LAMA4: variants seen among roughly 807,000 people sequenced by gnomAD.
The protein encoded by LAMA4 is laminin subunit alpha 4.
LAMA4 carries 127 observed loss-of-function variants against 207.1 expected under a neutral mutation model. That is an observed-to-expected ratio of 0.61 (90% CI 0.53 to 0.71). LAMA4 has a LOEUF of 0.71. Ranked by LOEUF, LAMA4 falls within the 30% of genes least tolerant of loss-of-function variation. The probability of loss-of-function intolerance (pLI) is 0.00; values close to 1 mark genes in which losing one functional copy is unlikely to be tolerated. For synonymous variants in LAMA4, 761 were observed against 816.0 expected, an observed-to-expected ratio of 0.93 and a Z score of 1.15; for missense variants, 2,093 against 2,246.5, an observed-to-expected ratio of 0.93 and a Z score of 1.38.
At position 112,189,212 on chromosome 6, in the gene LAMA4, G is replaced by T; in HGVS notation, c.719-7C>A. ...CCTCCCCCGCAGTTGCACACTGTGG[G>T]AAACAAAAACAAGAGACGAGAAATG... On this transcript the variant is annotated splice_polypyrimidine_tract_variant and splice_region_variant and intron_variant, in intron 6 of 38. Coordinates refer to ENST00000230538, the MANE Select transcript of LAMA4 (RefSeq NM_001105206.3). 3 of 1,608,406 alleles carry T rather than the reference G, an allele frequency of 1.9e-6. No homozygotes were observed. Among genetic ancestry groups the T allele is most frequent in the Non-Finnish European group, 1.7e-6 (2 of 1,174,920 alleles).
At chr6:112,123,254 A>G (rs1244839100) in intron 31 of LAMA4, among the ~76,000 whole-genome samples, 1 of 152,202 alleles carries the variant, frequency 6.6e-6, no homozygotes, top group Non-Finnish European at 1.5e-5. Flanking sequence ...AGGCAGGATT[A>G]GATACAAAAA....
Position 112,128,956 on chromosome 6 carries a change from T to C in LAMA4, c.4253A>G (p.Asn1418Ser), listed in dbSNP as rs1778861270. Residue 1418 changes from asparagine (N) to serine (S), a missense_variant, in exon 31 of 39, where the codon AAT becomes AGT. This residue lies in a region of LAMA4 where 1,704 missense variants were observed against 1,788.4 expected (regional missense o/e 0.95). Coordinates refer to ENST00000230538, the MANE Select transcript of LAMA4 (RefSeq NM_001105206.3). Reference sequence around the variant, plus strand: ...CTGACTTGCTTTAGGCTTGGATAAATTTTTTCCTTTTTTATGGAGGAGAAA... The same window carrying C: ...CTGACTTGCTTTAGGCTTGGATAAACTTTTTCCTTTTTTATGGAGGAGAAA... ...PLFLLHKKGKNLSKPKASQNK... is the reference protein window; with the variant it reads ...PLFLLHKKGKSLSKPKASQNK... 6.2e-7 allele frequency: 1 copy of C among 1,613,330 alleles called. No homozygotes were observed. Among genetic ancestry groups the C allele is most frequent in the South Asian group, 1.1e-5 (1 of 91,050 alleles).
intron 18 of LAMA4, among the ~76,000 whole-genome samples, chr6:112,146,037 C>A (rs1219938262): frequency 6.6e-6 from 1 of 152,114 alleles, no homozygotes; most frequent in Non-Finnish European, 1.5e-5. Context: ...CACCTGTAAT[C>A]CCAGAACTTT....
chr6:112,247,262 G>C (rs1787021056), intron 2 of LAMA4, among the ~76,000 whole-genome samples: 1 of 152,172 alleles, frequency 6.6e-6, no homozygotes, highest in Non-Finnish European at 1.5e-5. Flanking sequence ...GTATCTAAAA[G>C]ATGGTCCAAT....
intron 32 of LAMA4, 47 bp downstream of exon 32, chr6:112,121,967 G>T: frequency 6.6e-7 from 1 of 1,526,294 alleles, no homozygotes; most frequent in Non-Finnish European, 9.1e-7. Context: ...CAAAGATGGA[G>T]CCCAGCCATG....
chr6:112,128,270 A>G (rs1401420759), intron 31 of LAMA4, among the ~76,000 whole-genome samples: 1 of 152,212 alleles, frequency 6.6e-6, no homozygotes, highest in Non-Finnish European at 1.5e-5. Context: ...TCATTGGAAC[A>G]AGAACTGATG....
chr6:112,226,002 C>A (rs782233878), intron 2 of LAMA4, among the ~76,000 whole-genome samples: 1 of 152,154 alleles, frequency 6.6e-6, no homozygotes, highest in Non-Finnish European at 1.5e-5. Context: ...TCCTGCCTCC[C>A]TTTGTAGGCT....
intron 2 of LAMA4, among the ~76,000 whole-genome samples, chr6:112,232,024 A>G (rs1229960392): frequency 6.6e-6 from 1 of 152,232 alleles, no homozygotes; most frequent in Non-Finnish European, 1.5e-5. Context: ...GAACCCATTT[A>G]GCAAATATTT....
intron 8 of LAMA4, among the ~76,000 whole-genome samples, chr6:112,186,115 C>T (rs1196149632): frequency 2.0e-5 from 3 of 152,178 alleles, no homozygotes; most frequent in Non-Finnish European, 4.4e-5. Context: ...CATATTTGGC[C>T]AACTGCTATG....
chr6:112,241,169 AT>A lies in LAMA4; in HGVS notation c.195+12786del, dbSNP rs1554187628. On this transcript the variant is annotated intron_variant, in intron 2 of 38. Coordinates refer to ENST00000230538, the MANE Select transcript of LAMA4 (RefSeq NM_001105206.3). ...TATATGAATATATATATGAATATAT[AT>A]GAATATATATGAATATATATGAATA... Among the ~76,000 whole-genome samples, 273 of 88,226 alleles carry A rather than the reference AT, an allele frequency of 3.1e-3. 10 individuals are homozygous for A. Among genetic ancestry groups the A allele is most frequent in the Middle Eastern group, 0.014 (3 of 208 alleles). 57.9% of individuals were successfully genotyped at this position (88,226 alleles called of 152,430 possible).
At chr6:112,197,010 T>C (rs1003804429) in intron 5 of LAMA4, among the ~76,000 whole-genome samples, 2 of 152,224 alleles carry the variant, frequency 1.3e-5, no homozygotes, top group African/African-American at 2.4e-5. Context: ...ATGTCGCATT[T>C]CTTCCTCTGT....
intron 13 of LAMA4, among the ~76,000 whole-genome samples, chr6:112,163,717 G>A (rs1473554557): frequency 6.6e-6 from 1 of 152,192 alleles, no homozygotes; most frequent in Admixed American, 6.5e-5. Flanking sequence ...GAGCAGAATG[G>A]TAGGGCAGAA....
At chr6:112,219,986 C>T (rs897355536) in intron 2 of LAMA4, among the ~76,000 whole-genome samples, 8 of 152,214 alleles carry the variant, frequency 5.3e-5, no homozygotes, top group Admixed American at 2.0e-4. Context: ...TCTTGTTGGA[C>T]ATTTAGGTTA....
chr6:112,122,515 A>G (rs1462194137), intron 31 of LAMA4, among the ~76,000 whole-genome samples: 1 of 152,200 alleles, frequency 6.6e-6, no homozygotes, highest in African/African-American at 2.4e-5. Context: ...CTTAAATACT[A>G]GTGAAAAGTG....
chr6:112,156,120 G>A (rs1554336927), intron 14 of LAMA4, among the ~76,000 whole-genome samples: 1 of 152,090 alleles, frequency 6.6e-6, no homozygotes, highest in East Asian at 1.9e-4. Flanking sequence ...GCAGAGCTTG[G>A]CCAGGGCACG....
intron 12 of LAMA4, chr6:112,171,759 G>A (rs922470648): frequency 3.3e-5 from 5 of 153,036 alleles, no homozygotes; most frequent in African/African-American, 1.2e-4. Context: ...GCAAACAGTG[G>A]TGATGAGTGT....
chr6:112,208,046 A>C (rs1388166350), intron 3 of LAMA4, among the ~76,000 whole-genome samples: 1 of 152,234 alleles, frequency 6.6e-6, no homozygotes, highest in African/African-American at 2.4e-5. Context: ...GCTAACACAC[A>C]AACAGCTTTC....
At chr6:112,227,041 TTTTATTTA>T (rs10610325) in intron 2 of LAMA4, among the ~76,000 whole-genome samples, 3,246 of 141,682 alleles carry the variant, frequency 0.023, 83 homozygotes, top group African/African-American at 0.065. Flanking sequence ...GCTTCGACTA[TTTTATTTA>T]TTTATTTATT....
intron 12 of LAMA4, 191 bp downstream of exon 12, chr6:112,172,420 T>C: frequency 1.7e-6 from 1 of 604,440 alleles, no homozygotes; most frequent in South Asian, 2.0e-5. Flanking sequence ...ACTAGACAAT[T>C]ATCCTAGTTT....
Sources: gnomAD v4.1 joint callset for allele counts (sites outside exome capture counted in the v4.1 genomes callset) on GRCh38, gnomAD v4.1.1 for gene constraint, gnomAD v4.1.1 regional missense constraint, MANE v1.5 for transcripts, NCBI Gene and HGNC (gene_info 2026-07-23, HGNC 2026-07-21) for gene names.